The following TARBP2 variants were observed in gnomAD, a reference collection of about 807,000 sequenced individuals.
The protein encoded by TARBP2 is TARBP2 subunit of RISC loading complex, also known as RISC-loading complex subunit TARBP2.
A neutral mutation model predicts 40.4 loss-of-function variants in TARBP2; 23 were observed. The ratio of observed to expected loss-of-function variants is 0.57; its 90% confidence interval spans 0.41 to 0.81. TARBP2 has a LOEUF of 0.81. TARBP2 is among the 30% of genes least tolerant of loss of function. The pLI is 0.00. For synonymous variants in TARBP2, 183 were observed against 190.5 expected (o/e 0.96, Z 0.32); for missense variants, 358 against 473.7 (o/e 0.76, Z 2.27).
At chr12:53,501,827 C>T in intron 1 of TARBP2, 188 bp from the exon 2 acceptor site, 1 of 1,311,066 alleles carries the variant, frequency 7.6e-7, no homozygotes, top group Non-Finnish European at 1.0e-6. Context: ...TCCCCCCTTG[C>T]TTTGGGGTAG....
chr12:53,505,698 C>T lies in TARBP2; in HGVS notation c.791C>T (p.Thr264Ile). The T allele has an allele frequency of 1.9e-6, 3 of 1,614,144 alleles. No individual in the cohort carries two copies. The highest frequency in any genetic ancestry group is 2.5e-6 in the Non-Finnish European group (3 of 1,180,012). ...DGLRNRGPGC[T>I]WDSLRNSVGE... is the part of the protein sequence containing the mutation. ...CTTCGAAACCGGGGCCCAGGTTGCA[C>T]CTGGGATTCTCTACGAAATTCAGTA... The change falls in exon 8 of 9, where the codon ACC (threonine) becomes ATC (isoleucine). Residue 264 changes from threonine to isoleucine, a missense_variant. This residue lies in a region of TARBP2 where 317 missense variants were observed against 422.9 expected (regional missense o/e 0.75). Transcript: ENST00000266987. The surrounding 1 kb of genome is among the most constrained non-coding windows in gnomAD (Gnocchi z 4.5).
At position 53,505,845 on chromosome 12, in the gene TARBP2, A is replaced by T. The variant is rs1402193215; in HGVS notation, c.938A>T (p.Asp313Val). The change falls in exon 8 of 9, where the codon GAT (aspartate) becomes GTT (valine). Residue 313 changes from aspartate (D) to valine (V), a missense_variant. Asp to Val is a radical substitution (Grantham distance 152). Around this residue, in one of 3 missense-constraint regions of TARBP2, gnomAD observed 317 missense variants for 422.9 expected, o/e 0.75. Transcript: ENST00000266987. The surrounding 1 kb of genome is among the most constrained non-coding windows in gnomAD (Gnocchi z 4.5). ...CAGGCCTTTCACGTCAGCTACCTGG[A>T]TATTGGTATGGCTAGCTGGGGAGCG... ...EEQAFHVSYL[D>V]IEELSLSGLC... 6.2e-7 allele frequency: 1 copy of T among 1,613,500 alleles called. No individual in the cohort carries two copies. Among genetic ancestry groups the T allele is most frequent in the South Asian group, 1.1e-5 (1 of 91,070 alleles).
At position 53,506,095 on chromosome 12, in the gene TARBP2, G is replaced by A. The variant is rs2137274864; in HGVS notation, c.1048G>A (p.Glu350Lys). 6.2e-7 allele frequency: 1 copy of A among 1,613,908 alleles called. No individual in the cohort carries two copies. The highest frequency in any genetic ancestry group is 8.5e-7 in the Non-Finnish European group (1 of 1,180,002). ...SATTREAARGEAARRALQYLK... is the reference protein window; with the variant it reads ...SATTREAARGKAARRALQYLK... ...AACCACCAGGGAGGCAGCCCGTGGT[G>A]AGGCTGCCCGCCGTGCCCTGCAGTA... Residue 350 changes from glutamate (E) to lysine (K), a missense_variant, in exon 9 of 9, where the codon GAG becomes AAG. Physicochemically the swap from Glu to Lys is moderately conservative, Grantham distance 56 (BLOSUM62 1). Around this residue, in one of 3 missense-constraint regions of TARBP2, gnomAD observed 317 missense variants for 422.9 expected, o/e 0.75. Coordinates refer to ENST00000266987, the MANE Select transcript of TARBP2 (RefSeq NM_134323.2).
intron 3 of TARBP2, chr12:53,503,414 A>G: frequency 1.6e-6 from 1 of 615,594 alleles, no homozygotes; most frequent in South Asian, 2.3e-5. Flanking sequence ...GTTACTCCCC[A>G]ACATACCTCC....
At chr12:53,504,025 G>C (rs1414431764) in intron 4 of TARBP2, 3 of 598,366 alleles carry the variant, frequency 5.0e-6, no homozygotes, top group Admixed American at 5.9e-5. Context: ...AATGATGTCC[G>C]ACCATGTTTA....
In TARBP2 at chr12:53,506,243, TGCC is replaced by T; in HGVS notation, c.*96_*98del. On this transcript the variant is annotated 3_prime_UTR_variant, in exon 9 of 9. Transcript: ENST00000266987. Reference sequence around the variant, plus strand: ...GCGCAGCTCTGGTACCCTCTGTGGGTGCCATCTCTACCTCTGACACAGACTGCC... The same window carrying T: ...GCGCAGCTCTGGTACCCTCTGTGGGTATCTCTACCTCTGACACAGACTGCC... The T allele has an allele frequency of 4.1e-6, 6 of 1,452,682 alleles. 1 individual carries two copies. In the South Asian group the frequency reaches 8.0e-5, roughly 19 times the overall value. The allele number at this position is 1,452,682 out of a possible 1,614,324, so 90.0% of individuals were successfully genotyped here. A position where few individuals can be genotyped will look rare whatever the true frequency, so the allele number is the denominator to read the frequency against.
chr12:53,502,338 A>ACT, intron 2 of TARBP2, 154 bp downstream of exon 2: 2 of 1,051,360 alleles, frequency 1.9e-6, no homozygotes. Flanking sequence ...TTGGGAGAAC[A>ACT]GGGCTGTAAG....
Position 53,505,952 on chromosome 12 carries a change from TC to T in TARBP2, c.944-34del, listed in dbSNP as rs761428357. ...GAACGCACCCCTCCCCAGGGCTACC[TC>T]CCCCAACATTGCCTCCCTCCTCTCT... On this transcript the variant is annotated intron_variant, in intron 8 of 8. Transcript: ENST00000266987. The surrounding 1 kb of genome is among the most constrained non-coding windows in gnomAD (Gnocchi z 4.5). 3.1e-6 allele frequency: 5 copies of T among 1,605,776 alleles called. No individual in the cohort carries two copies. The Admixed American group carries it at 6.7e-5, about 21-fold the overall frequency.
chr12:53,501,991 G>A, intron 1 of TARBP2, 24 bp from the exon 2 acceptor site: 14 of 1,613,364 alleles, frequency 8.7e-6, no homozygotes, highest in Non-Finnish European at 1.1e-5. Flanking sequence ...GAGGTGTGAT[G>A]TGGGTCTGTG....
At position 53,503,737 on chromosome 12, in the gene TARBP2, A is replaced by G. The variant is rs141294828; in HGVS notation, c.351A>G (p.Ser117=). The G allele has an allele frequency of 1.1e-4, 177 of 1,613,704 alleles. No individual in the cohort carries two copies. The highest frequency in any genetic ancestry group is 4.0e-4 in the South Asian group (36 of 91,082). The change falls in exon 4 of 9, where the codon TCA becomes TCG. Residue 117 remains serine (S), a synonymous_variant. Coordinates refer to ENST00000266987, the MANE Select transcript of TARBP2 (RefSeq NM_134323.2). ...DSSSFSPLDS[S]LPEDIPVFTA... is the part of the protein sequence containing the mutation. ...GTTCTTTTTCTCCCCTAGACTCTTCACTGCCTGAGGACATTCCGGTTTTTA... is the reference window on the plus strand; with the variant it reads ...GTTCTTTTTCTCCCCTAGACTCTTCGCTGCCTGAGGACATTCCGGTTTTTA...
In TARBP2 at chr12:53,504,587, C is replaced by T. The variant is rs753601708; in HGVS notation, c.496-111C>T. On this transcript the variant is annotated intron_variant, in intron 5 of 8. Transcript: ENST00000266987. ...TCCTTGTACTGAGGCCCTTTCCACC[C>T]CCCTCTCTCCTTCCTCTCACCTAGA... 3.1e-6 allele frequency: 5 copies of T among 1,606,620 alleles called. No homozygotes were observed. The East Asian group carries it at 8.9e-5, about 29-fold the overall frequency.
At chr12:53,504,360 C>G in intron 4 of TARBP2, 37 bp from the exon 5 acceptor site, 8 of 1,519,120 alleles carry the variant, frequency 5.3e-6, no homozygotes, top group Non-Finnish European at 7.0e-6. Flanking sequence ...AGATGGAACC[C>G]TTCACCTCAA....
chr12:53,506,400 TG>T lies in TARBP2; in HGVS notation c.*254del. ...AATCAGGGGGCTGTCTACTAGAGCC[TG>T]GAATAAATATGCTGCTTTGTGGATT... On this transcript the variant is annotated 3_prime_UTR_variant, in exon 9 of 9. Transcript: ENST00000266987. The T allele has an allele frequency of 1.9e-6, 1 of 540,074 alleles. No individual in the cohort carries two copies. The highest frequency in any genetic ancestry group is 2.7e-5 in the South Asian group (1 of 36,394). 33.5% of individuals were successfully genotyped at this position (540,074 alleles called of 1,614,324 possible).
chr12:53,503,978 G>A, intron 4 of TARBP2, 170 bp downstream of exon 4: 1 of 624,164 alleles, frequency 1.6e-6, no homozygotes, highest in Non-Finnish European at 2.9e-6. Context: ...AAGCTCTTGG[G>A]ACAAGAGGTC....
intron 2 of TARBP2, chr12:53,502,784 AG>A: frequency 2.6e-6 from 1 of 385,272 alleles, no homozygotes; most frequent in Non-Finnish European, 4.7e-6. Flanking sequence ...TGCGCTCAGA[AG>A]TCCACCCAAG....
intron 2 of TARBP2, chr12:53,502,679 G>A (rs945895237): frequency 4.6e-6 from 1 of 217,370 alleles, no homozygotes; most frequent in African/African-American, 2.3e-5. Flanking sequence ...ATGTGGCAGA[G>A]TGGGGCTTTT....
intron 4 of TARBP2, 106 bp from the exon 5 acceptor site, chr12:53,504,291 G>A (rs763740433): frequency 3.6e-5 from 38 of 1,067,036 alleles, no homozygotes; most frequent in Non-Finnish European, 4.8e-5. Flanking sequence ...CGGTGGAATC[G>A]GGAGATGGTA....
chr12:53,504,308 A>T, intron 4 of TARBP2, 89 bp from the exon 5 acceptor site: 2 of 1,216,392 alleles, frequency 1.6e-6, no homozygotes, highest in Non-Finnish European at 2.3e-6. Flanking sequence ...GGTAGTCAGG[A>T]ATCTAAAGTA....
In TARBP2 at chr12:53,506,047, G is replaced by A. The variant is rs151303646; in HGVS notation, c.1000G>A (p.Ala334Thr). 96 of 1,613,924 alleles carry A rather than the reference G, an allele frequency of 5.9e-5. No homozygotes were observed. Among genetic ancestry groups the A allele is most frequent in the Non-Finnish European group, 8.0e-5 (94 of 1,180,002 alleles). ...CCTGGTGGAACTGTCCACCCAGCCG[G>A]CCACTGTGTGTCATGGCTCTGCAAC... ...QCLVELSTQPATVCHGSATTR... is the reference protein window; with the variant it reads ...QCLVELSTQPTTVCHGSATTR... Residue 334 changes from alanine (A) to threonine (T), a missense_variant, in exon 9 of 9, where the codon GCC becomes ACC. Ala to Thr is a moderately conservative substitution (Grantham distance 58, BLOSUM62 0). Transcript: ENST00000266987.
Sources: allele counts gnomAD v4.1 joint callset, GRCh38; gene constraint gnomAD v4.1.1; regional missense constraint gnomAD v4.1.1; non-coding constraint Gnocchi (gnomAD v3.1); transcripts MANE v1.5; gene names NCBI Gene and HGNC (gene_info 2026-07-23, HGNC 2026-07-21).